Variants in NOP58 observed in about 807,000 individuals in gnomAD.
NOP58 encodes NOP58 ribonucleoprotein, also known as nucleolar protein 58.
A neutral mutation model predicts 71.2 loss-of-function variants in NOP58; 44 were observed. The observed-to-expected ratio is 0.62, with a 90% CI of 0.49 to 0.79. The LOEUF is 0.79. Among genes scored for constraint, NOP58 ranks in the 30% least tolerant of loss-of-function variants. The probability of loss-of-function intolerance (pLI) is 0.00; values close to 1 mark genes in which losing one functional copy is unlikely to be tolerated. For synonymous variants in NOP58, 228 were observed against 200.3 expected (o/e 1.14, Z -1.17); for missense variants, 538 against 620.2 (o/e 0.87, Z 1.41).
At chr2:202,300,409 C>A (rs754746161) in intron 13 of NOP58, 42 bp downstream of exon 13, 8 of 1,497,456 alleles carry the variant, frequency 5.3e-6, no homozygotes, top group South Asian at 5.1e-5. Flanking sequence ...ATACTCACTT[C>A]TTTAGAACTG....
chr2:202,268,708 A>C (rs1688461837), intron 1 of NOP58, among the ~76,000 whole-genome samples: 1 of 149,226 alleles, frequency 6.7e-6, no homozygotes, highest in African/African-American at 2.5e-5. Flanking sequence ...GCCTCCCAGG[A>C]TCAAGCAATT....
At chr2:202,268,450 G>A (rs2105834538) in intron 1 of NOP58, among the ~76,000 whole-genome samples, 1 of 151,688 alleles carries the variant, frequency 6.6e-6, no homozygotes, top group Non-Finnish European at 1.5e-5. Context: ...CGGGAGCATT[G>A]CTTGAACCCG....
intron 4 of NOP58, 146 bp downstream of exon 4, chr2:202,282,618 C>T (rs1257344768): frequency 2.8e-6 from 2 of 717,176 alleles, no homozygotes; most frequent in Non-Finnish European, 4.4e-6. Flanking sequence ...ATGGATTTCC[C>T]CTAACATCAG....
chr2:202,292,954 G>A (rs867739211), intron 9 of NOP58, 51 bp downstream of exon 9: 1 of 1,603,568 alleles, frequency 6.2e-7, no homozygotes, highest in African/African-American at 1.3e-5. Context: ...GTATTTTCTG[G>A]TTAGGATTTT....
intron 9 of NOP58, among the ~76,000 whole-genome samples, chr2:202,295,226 A>C (rs78390594): frequency 0.039 from 6,014 of 152,320 alleles, 428 homozygotes; most frequent in African/African-American, 0.14. Context: ...CAGGTAGGGG[A>C]CTATTAATAG....
chr2:202,267,979 T>C (rs563599250), intron 1 of NOP58, among the ~76,000 whole-genome samples: 3 of 152,334 alleles, frequency 2.0e-5, no homozygotes, highest in East Asian at 1.9e-4. Context: ...TATGTTGACA[T>C]TGATTAGTTT....
In NOP58 at chr2:202,277,931, CTTTT is replaced by C. The variant is rs141914741; in HGVS notation, c.123-12_123-9del. The C allele has an allele frequency of 0.028, 33,622 of 1,190,502 alleles. 6,601 individuals are homozygous for C. The African/African-American group carries it at 0.44, about 16-fold the overall frequency. The allele number at this position is 1,190,502 out of a possible 1,614,324, so 73.7% of individuals were successfully genotyped here. ...ACTGCCCCCAATAACATGTTTATCT[CTTTT>C]TTTTTTAATTCTAGAGTAAAGCTAA... On this transcript the variant is annotated splice_polypyrimidine_tract_variant and intron_variant, in intron 2 of 14. Transcript: ENST00000264279.
At chr2:202,274,527 CCA>C (rs1277376554) in intron 1 of NOP58, among the ~76,000 whole-genome samples, 1 of 151,194 alleles carries the variant, frequency 6.6e-6, no homozygotes, top group African/African-American at 2.4e-5. Context: ...CAGATGTGAG[CCA>C]CCATGCTTGG....
intron 4 of NOP58, 42 bp from the exon 5 acceptor site, chr2:202,284,303 C>A (rs1553571972): frequency 8.4e-7 from 1 of 1,191,170 alleles, no homozygotes; most frequent in Non-Finnish European, 1.1e-6. Context: ...TCAGGAAAGT[C>A]TTTTTTTTTT....
At chr2:202,276,547 T>C (rs1688594057) in intron 2 of NOP58, 1 of 489,890 alleles carries the variant, frequency 2.0e-6, no homozygotes, top group South Asian at 1.5e-5. Context: ...CTGGATAAAA[T>C]ACTACCCTGA....
At chr2:202,291,306 T>C (rs1182258041) in intron 8 of NOP58, 36 bp downstream of exon 8, 2 of 1,543,180 alleles carry the variant, frequency 1.3e-6, no homozygotes, top group African/African-American at 1.4e-5. Flanking sequence ...GTTGTGGTGT[T>C]ACCAGCTCTA....
intron 3 of NOP58, among the ~76,000 whole-genome samples, chr2:202,280,310 A>AC (rs1380024606): frequency 6.6e-6 from 1 of 150,888 alleles, no homozygotes; most frequent in African/African-American, 2.4e-5. Flanking sequence ...ATATAGCAAG[A>AC]CCCCCTCTCA....
At chr2:202,271,208 C>A (rs1688507058) in intron 1 of NOP58, among the ~76,000 whole-genome samples, 1 of 152,128 alleles carries the variant, frequency 6.6e-6, no homozygotes, top group African/African-American at 2.4e-5. Context: ...CCATATTTAA[C>A]ATCCCTAAAA....
chr2:202,266,330 C>T (rs1465936806), intron 1 of NOP58, among the ~76,000 whole-genome samples: 1 of 150,632 alleles, frequency 6.6e-6, no homozygotes, highest in Non-Finnish European at 1.5e-5. Context: ...TGGAGTTTCG[C>T]TCTTGTTGCC....
At chr2:202,284,696 C>T in intron 5 of NOP58, 1 of 473,464 alleles carries the variant, frequency 2.1e-6, no homozygotes, top group East Asian at 3.4e-5. Flanking sequence ...CAGTCTGGCT[C>T]TATTGTCTGG....
chr2:202,285,745 A>C (rs550872535), intron 5 of NOP58, among the ~76,000 whole-genome samples: 1 of 152,290 alleles, frequency 6.6e-6, no homozygotes, highest in Non-Finnish European at 1.5e-5. Context: ...TGAAAAGCTT[A>C]ATACTTTGGA....
intron 3 of NOP58, chr2:202,278,282 A>G (rs1166533598): frequency 1.8e-6 from 1 of 547,892 alleles, no homozygotes; most frequent in Non-Finnish European, 3.6e-6. Context: ...AACCAGCAAC[A>G]TAATGCTGAA....
intron 1 of NOP58, among the ~76,000 whole-genome samples, chr2:202,274,369 G>C (rs1042197694): frequency 2.6e-5 from 4 of 151,038 alleles, no homozygotes; most frequent in African/African-American, 4.9e-5. Flanking sequence ...GGGGATTACA[G>C]GCATGTGCCA....
chr2:202,285,974 C>G (rs1267349657), intron 5 of NOP58, among the ~76,000 whole-genome samples: 1 of 151,966 alleles, frequency 6.6e-6, no homozygotes, highest in Non-Finnish European at 1.5e-5. Flanking sequence ...GCAGGCAGAT[C>G]ACAAGGTCAG....
Sources: allele counts gnomAD v4.1 joint callset (sites outside exome capture counted in the v4.1 genomes callset), GRCh38; gene constraint gnomAD v4.1.1; transcripts MANE v1.5; gene names NCBI Gene and HGNC (gene_info 2026-07-23, HGNC 2026-07-21).